The following CSMD1 variants were observed in gnomAD, a reference collection of about 807,000 sequenced individuals.
CSMD1 encodes CUB and Sushi multiple domains 1.
Under a neutral mutation model 417.5 loss-of-function variants are expected in CSMD1, and 213 were observed. That is an observed-to-expected ratio of 0.51 (90% confidence interval 0.46 to 0.57). The LOEUF (loss-of-function observed/expected upper bound fraction) is 0.57, where lower values mean the gene tolerates loss of function less well. Ranked by LOEUF, CSMD1 falls within the 20% of genes least tolerant of loss-of-function variation. The pLI, the probability that CSMD1 is intolerant of heterozygous loss-of-function variation, is 0.00. For synonymous variants in CSMD1, 2,862 were observed against 1,736.8 expected (o/e 1.65, Z -16.11); for missense variants, 6,923 against 4,529.7 (o/e 1.53, Z -15.17).
intron 1 of CSMD1, among the ~76,000 whole-genome samples, chr8:4,915,286 C>G (rs959993706): frequency 1.3e-5 from 2 of 151,834 alleles, no homozygotes; most frequent in African/African-American, 2.4e-5. Flanking sequence ...GGCATAACAC[C>G]CCTCCCAAAA....
chr8:4,672,450 T>C (rs1257684296), intron 1 of CSMD1, among the ~76,000 whole-genome samples: 3 of 152,134 alleles, frequency 2.0e-5, no homozygotes, highest in Non-Finnish European at 4.4e-5. Flanking sequence ...TAACCCATTT[T>C]CTCAATGAGA....
intron 3 of CSMD1, among the ~76,000 whole-genome samples, chr8:4,158,447 G>T (rs527981901): frequency 6.6e-6 from 1 of 151,944 alleles, no homozygotes; most frequent in Non-Finnish European, 1.5e-5. Flanking sequence ...AAAAATCAAA[G>T]AAACAGTAAT....
At chr8:3,420,300 C>G (rs1425524669) in intron 12 of CSMD1, among the ~76,000 whole-genome samples, 1 of 151,898 alleles carries the variant, frequency 6.6e-6, no homozygotes, top group Non-Finnish European at 1.5e-5. Flanking sequence ...AACCAGGACT[C>G]CTCAAAATAC....
intron 2 of CSMD1, among the ~76,000 whole-genome samples, chr8:4,514,271 T>G (rs1235449171): frequency 2.0e-5 from 3 of 152,128 alleles, no homozygotes; most frequent in Non-Finnish European, 4.4e-5. Flanking sequence ...TAAATCCCCT[T>G]GGATCAGGCC....
In CSMD1 at chr8:4,922,507, C is replaced by T. The variant is rs191542639; in HGVS notation, c.85+71825G>A. Among the ~76,000 whole-genome samples the T allele has an allele frequency of 1.8e-3, 268 of 152,220 alleles. 1 individual carries two copies. The highest frequency in any genetic ancestry group is 0.015 in the Admixed American group (222 of 15,286). Reference sequence around the variant, plus strand: ...ATTCTTCCTACCTTAAAATTTGACTCGTTTTACATTGCTGGGCAAACCATT... The same window carrying T: ...ATTCTTCCTACCTTAAAATTTGACTTGTTTTACATTGCTGGGCAAACCATT... On this transcript the variant is annotated intron_variant, in intron 1 of 69. Coordinates refer to ENST00000635120, the MANE Select transcript of CSMD1 (RefSeq NM_033225.6).
intron 18 of CSMD1, among the ~76,000 whole-genome samples, chr8:3,372,081 T>C (rs892726280): frequency 3.3e-5 from 5 of 152,056 alleles, no homozygotes; most frequent in South Asian, 2.1e-4. Flanking sequence ...ATATACAATA[T>C]TGGCAGATGA....
rs140402565 is a variant in CSMD1 at position 4,851,178 on chromosome 8, T to C, written c.85+143154A>G. On this transcript the variant is annotated intron_variant, in intron 1 of 69. Coordinates refer to ENST00000635120, the MANE Select transcript of CSMD1 (RefSeq NM_033225.6). ...TGTGTTATTATTCAATTCCCACCTA[T>C]GAGTGAAAATATGCAGTGTTTGGAT... is the stretch of plus-strand genomic sequence containing the variant. Among the ~76,000 whole-genome samples, 337 of 146,394 alleles carry C rather than the reference T, an allele frequency of 2.3e-3. 2 individuals are homozygous for C. Among genetic ancestry groups the C allele is most frequent in the African/African-American group, 8.1e-3 (324 of 39,920 alleles).
intron 3 of CSMD1, among the ~76,000 whole-genome samples, chr8:4,224,936 C>A (rs373136688): frequency 6.6e-6 from 1 of 152,126 alleles, no homozygotes; most frequent in Non-Finnish European, 1.5e-5. Flanking sequence ...TATTGTGAAA[C>A]CCCATCACTA....
At chr8:2,976,868 G>C (rs926881097) in intron 55 of CSMD1, among the ~76,000 whole-genome samples, 1 of 151,550 alleles carries the variant, frequency 6.6e-6, no homozygotes, top group Admixed American at 6.6e-5. Context: ...TGGGTAAAAT[G>C]ATATATTCTT....
At chr8:4,020,315 C>G (rs555616464) in intron 4 of CSMD1, among the ~76,000 whole-genome samples, 1 of 152,200 alleles carries the variant, frequency 6.6e-6, no homozygotes, top group African/African-American at 2.4e-5. Context: ...GCTGTTTCAC[C>G]ACGACAAGCA....
intron 2 of CSMD1, among the ~76,000 whole-genome samples, chr8:4,449,192 A>G (rs745731116): frequency 6.6e-6 from 1 of 151,994 alleles, no homozygotes; most frequent in Admixed American, 6.5e-5. Flanking sequence ...ACATTCTTCT[A>G]CAATACAGTT....
At chr8:3,979,600 C>T (rs537683860) in intron 5 of CSMD1, among the ~76,000 whole-genome samples, 2 of 152,270 alleles carry the variant, frequency 1.3e-5, no homozygotes, top group South Asian at 2.1e-4. Flanking sequence ...ATGCGGCCAA[C>T]ATGATGAGAT....
chr8:4,721,177 G>A (rs908718631), intron 1 of CSMD1, among the ~76,000 whole-genome samples: 2 of 152,082 alleles, frequency 1.3e-5, no homozygotes, highest in Non-Finnish European at 2.9e-5. Flanking sequence ...TTAAACTATT[G>A]CGATCCATAT....
chr8:3,474,169 C>T (rs1037759658), intron 11 of CSMD1, among the ~76,000 whole-genome samples: 3 of 152,170 alleles, frequency 2.0e-5, no homozygotes, highest in Non-Finnish European at 2.9e-5. Flanking sequence ...CCCAGGTTTT[C>T]TCCCACATCC....
rs568491908 is a variant in CSMD1 at position 4,303,725 on chromosome 8, G to C, written c.415+116228C>G. Among the ~76,000 whole-genome samples, 334 of 151,692 alleles carry C rather than the reference G, an allele frequency of 2.2e-3. 2 individuals are homozygous for C. The highest frequency in any genetic ancestry group is 7.7e-3 in the African/African-American group (320 of 41,344). ...GACTGGAGCTCACTGTCATTATCTT[G>C]GCTCACCCCAACCTCAGCCTCCTGG... On this transcript the variant is annotated intron_variant, in intron 3 of 69. Transcript: ENST00000635120.
chr8:4,971,353 C>T (rs1442791346), intron 1 of CSMD1, among the ~76,000 whole-genome samples: 1 of 151,980 alleles, frequency 6.6e-6, no homozygotes, highest in East Asian at 1.9e-4. Flanking sequence ...ATCTCAACAA[C>T]TCTATGGTAA....
intron 2 of CSMD1, among the ~76,000 whole-genome samples, chr8:4,460,254 G>T (rs769749205): frequency 6.6e-6 from 1 of 152,030 alleles, no homozygotes; most frequent in Admixed American, 6.5e-5. Context: ...AGGAGTTAAA[G>T]AAATCACTAG....
chr8:4,662,461 T>C lies in CSMD1; in HGVS notation c.86-24903A>G, dbSNP rs184097997. On this transcript the variant is annotated intron_variant, in intron 1 of 69. Coordinates refer to ENST00000635120, the MANE Select transcript of CSMD1 (RefSeq NM_033225.6). ...ATAACACTAATTTCTTTTTATTTTC[T>C]CCAGTGAAGCACTTTGTTTCTGCAG... Among the ~76,000 whole-genome samples the C allele has an allele frequency of 3.3e-5, 5 of 152,294 alleles. No individual in the cohort carries two copies. The East Asian group carries it at 9.7e-4, about 29-fold the overall frequency.
At chr8:3,369,136 C>T (rs1006903717) in intron 19 of CSMD1, 118 bp downstream of exon 19, 1 of 559,828 alleles carries the variant, frequency 1.8e-6, no homozygotes, top group African/African-American at 1.9e-5. Flanking sequence ...AAATCTTGAA[C>T]TATACATGAG....
Sources: gnomAD v4.1 joint callset for allele counts (sites outside exome capture counted in the v4.1 genomes callset) on GRCh38, gnomAD v4.1.1 for gene constraint, MANE v1.5 for transcripts, NCBI Gene and HGNC (gene_info 2026-07-23, HGNC 2026-07-21) for gene names.